Variants in AUTS2 observed in about 807,000 individuals in gnomAD.
The protein encoded by AUTS2 is autism susceptibility gene 2 protein.
A neutral mutation model predicts 112.4 loss-of-function variants in AUTS2; 17 were observed. The ratio of observed to expected loss-of-function variants is 0.15; its 90% confidence interval spans 0.10 to 0.23. The LOEUF (loss-of-function observed/expected upper bound fraction) is 0.23. Ranked by LOEUF, AUTS2 falls within the 10% of genes least tolerant of loss-of-function variation. The pLI is 1.00. For synonymous variants in AUTS2, 751 were observed against 702.7 expected (o/e 1.07, Z -1.09); for missense variants, 1,510 against 1,701.6 (o/e 0.89, Z 1.98).
chr7:69,673,567 G>A (rs558467048), intron 1 of AUTS2, among the ~76,000 whole-genome samples: 11 of 152,348 alleles, frequency 7.2e-5, no homozygotes, highest in African/African-American at 2.6e-4. Flanking sequence ...CCATGGGCAA[G>A]TTTGTGTTCA....
intron 5 of AUTS2, among the ~76,000 whole-genome samples, chr7:70,576,311 G>A (rs79636837): frequency 0.026 from 3,887 of 152,200 alleles, 85 homozygotes; most frequent in Middle Eastern, 0.071. Flanking sequence ...AGAGGGATCC[G>A]AGTGGTCCAG....
At chr7:70,311,649 C>T (rs540181297) in intron 4 of AUTS2, among the ~76,000 whole-genome samples, 6 of 152,230 alleles carry the variant, frequency 3.9e-5, no homozygotes, top group South Asian at 2.1e-4. Flanking sequence ...CTCTGCCTCC[C>T]GCATTCAAGC....
intron 5 of AUTS2, among the ~76,000 whole-genome samples, chr7:70,566,829 A>G (rs1801727771): frequency 6.6e-6 from 1 of 152,256 alleles, no homozygotes; most frequent in Non-Finnish European, 1.5e-5. Flanking sequence ...TAAGGCTGTC[A>G]TCTTGGTATT....
chr7:70,252,883 A>G (rs528699322), intron 4 of AUTS2, among the ~76,000 whole-genome samples: 1 of 152,268 alleles, frequency 6.6e-6, no homozygotes, highest in African/African-American at 2.4e-5. Context: ...TTTGTAGAAA[A>G]TCAGCTAACC....
intron 5 of AUTS2, chr7:70,596,704 G>C (rs1454748327): frequency 6.6e-6 from 1 of 152,208 alleles, no homozygotes; most frequent in Non-Finnish European, 1.5e-5. Flanking sequence ...CCCGCGGATC[G>C]CAGCACCAGC....
intron 4 of AUTS2, among the ~76,000 whole-genome samples, chr7:70,289,967 A>T (rs1584979575): frequency 6.6e-6 from 1 of 152,344 alleles, no homozygotes; most frequent in Non-Finnish European, 1.5e-5. Flanking sequence ...ATCCCACAGA[A>T]TGCTTCTAGA....
intron 4 of AUTS2, among the ~76,000 whole-genome samples, chr7:70,343,269 A>G (rs1206602230): frequency 6.6e-6 from 1 of 151,872 alleles, no homozygotes; most frequent in Non-Finnish European, 1.5e-5. Context: ...CAGGCCCATC[A>G]TGTGTGTTAT....
chr7:70,126,612 T>G (rs1184826759), intron 3 of AUTS2, among the ~76,000 whole-genome samples: 1 of 152,144 alleles, frequency 6.6e-6, no homozygotes, highest in Non-Finnish European at 1.5e-5. Context: ...TGATGAGTTA[T>G]TCACAGGGAA....
chr7:70,790,530 C>G lies in AUTS2; in HGVS notation c.3314C>G (p.Ser1105Trp). Residue 1105 changes from serine (S) to tryptophan (W), a missense_variant, in exon 19 of 19, where the codon TCG (serine) becomes TGG (tryptophan). Coordinates refer to ENST00000342771, the MANE Select transcript of AUTS2 (RefSeq NM_015570.4). The surrounding 1 kb of genome is among the most constrained non-coding windows in gnomAD (Gnocchi z 7.6). ...LLRNDPLHRL[S>W]TPRLYEADRS... ...AGGAACGACCCGCTCCACCGGCTCT[C>G]GACTCCCCGGCTGTACGAAGCCGAC... The G allele has an allele frequency of 6.2e-7, 1 of 1,608,374 alleles. No individual in the cohort carries two copies.
chr7:70,145,226 G>T (rs1012124492), intron 4 of AUTS2, among the ~76,000 whole-genome samples: 2 of 152,028 alleles, frequency 1.3e-5, no homozygotes, highest in African/African-American at 4.8e-5. Context: ...CTCTGTTTTG[G>T]TTATTTATAG....
At chr7:69,731,536 T>G (rs146132072) in intron 1 of AUTS2, among the ~76,000 whole-genome samples, 5 of 152,362 alleles carry the variant, frequency 3.3e-5, no homozygotes, top group African/African-American at 1.2e-4. Context: ...GTTATTACTT[T>G]TATTAACAAG....
intron 4 of AUTS2, among the ~76,000 whole-genome samples, chr7:70,395,711 T>G (rs1156698274): frequency 2.0e-5 from 3 of 152,170 alleles, no homozygotes; most frequent in Non-Finnish European, 4.4e-5. Flanking sequence ...CAGTGCTTAG[T>G]GACTTTGAAG....
chr7:70,130,705 A>G (rs1330897559), intron 3 of AUTS2, among the ~76,000 whole-genome samples: 1 of 152,108 alleles, frequency 6.6e-6, no homozygotes, highest in East Asian at 1.9e-4. Context: ...AATCCAGCAG[A>G]ATGAAAAGAC....
In AUTS2 at chr7:70,338,422, G is replaced by A. The variant is rs190592784; in HGVS notation, c.661-97330G>A. Reference sequence around the variant, plus strand: ...GCCGGTATTACAGATAGCATAGACTGTCTTTTAGGAAAATTTCACAAGAAG... The same window carrying A: ...GCCGGTATTACAGATAGCATAGACTATCTTTTAGGAAAATTTCACAAGAAG... On this transcript the variant is annotated intron_variant, in intron 4 of 18. Coordinates refer to ENST00000342771, the MANE Select transcript of AUTS2 (RefSeq NM_015570.4). 1.7e-4 allele frequency among the ~76,000 whole-genome samples: 26 copies of A among 152,318 alleles called. 1 individual carries two copies. Among genetic ancestry groups the A allele is most frequent in the Non-Finnish European group, 3.5e-4 (24 of 68,018 alleles).
At chr7:70,141,539 C>T (rs139927021) in intron 4 of AUTS2, among the ~76,000 whole-genome samples, 67 of 152,292 alleles carry the variant, frequency 4.4e-4, no homozygotes, top group Non-Finnish European at 8.7e-4. Context: ...AAAGTTGTTG[C>T]TCTCCCTTAT....
chr7:69,855,449 A>G (rs774143435), intron 1 of AUTS2, among the ~76,000 whole-genome samples: 43 of 152,236 alleles, frequency 2.8e-4, no homozygotes, highest in Non-Finnish European at 5.3e-4. Flanking sequence ...TTTAGCCTCC[A>G]AACTTGAAGA....
chr7:70,529,538 C>T (rs533205342), intron 5 of AUTS2, among the ~76,000 whole-genome samples: 50 of 152,306 alleles, frequency 3.3e-4, no homozygotes, highest in Admixed American at 1.1e-3. Flanking sequence ...CCAGGCAAAT[C>T]GTACCTATAA....
intron 5 of AUTS2, among the ~76,000 whole-genome samples, chr7:70,465,778 G>T (rs1416271149): frequency 2.0e-5 from 3 of 152,316 alleles, no homozygotes; most frequent in South Asian, 4.1e-4. Context: ...CTGAGAAGGG[G>T]CCTGAGTAAT....
intron 4 of AUTS2, among the ~76,000 whole-genome samples, chr7:70,164,161 T>G (rs1808260172): frequency 1.3e-5 from 2 of 152,236 alleles, no homozygotes; most frequent in Non-Finnish European, 2.9e-5. Flanking sequence ...TACAAAGTTA[T>G]GCAGGTAGAA....
Sources: allele counts gnomAD v4.1 joint callset (sites outside exome capture counted in the v4.1 genomes callset), GRCh38; gene constraint gnomAD v4.1.1; non-coding constraint Gnocchi (gnomAD v3.1); transcripts MANE v1.5; gene names NCBI Gene and HGNC (gene_info 2026-07-23, HGNC 2026-07-21).